HCN1: variants seen among roughly 807,000 people sequenced by gnomAD.
HCN1 encodes potassium/sodium hyperpolarization-activated cyclic nucleotide-gated channel 1.
HCN1 carries 13 observed loss-of-function variants against 78.9 expected under a neutral mutation model. The observed-to-expected ratio is 0.16, with a 90% CI of 0.11 to 0.26. The LOEUF is 0.26. Among genes scored for constraint, HCN1 ranks in the 10% least tolerant of loss-of-function variants. The pLI is 1.00. For missense variants in HCN1, 810 were observed against 1,154.3 expected (o/e 0.70, Z 4.32); for synonymous variants, 552 against 455.5 (o/e 1.21, Z -2.70).
intron 5 of HCN1, among the ~76,000 whole-genome samples, chr5:45,339,539 TGAA>T (rs1746532112): frequency 6.6e-6 from 1 of 152,160 alleles, no homozygotes; most frequent in Non-Finnish European, 1.5e-5. Flanking sequence ...CTGTGTCATA[TGAA>T]GGAGTTTGGG....
chr5:45,548,949 G>A (rs1743294432), intron 2 of HCN1, among the ~76,000 whole-genome samples: 1 of 151,128 alleles, frequency 6.6e-6, no homozygotes, highest in Admixed American at 6.6e-5. Context: ...GGGACGTGAA[G>A]GACCTCTTCA....
intron 2 of HCN1, among the ~76,000 whole-genome samples, chr5:45,495,413 G>T (rs1318738297): frequency 6.9e-6 from 1 of 145,730 alleles, no homozygotes; most frequent in Non-Finnish European, 1.5e-5. Flanking sequence ...TCTGTTATTG[G>T]TGTATAAGAA....
chr5:45,682,818 T>C (rs539822625), intron 1 of HCN1, among the ~76,000 whole-genome samples: 118 of 152,230 alleles, frequency 7.8e-4, no homozygotes, highest in African/African-American at 2.6e-3. Flanking sequence ...GTTTAAAATA[T>C]GTTGAAATTT....
chr5:45,696,356 A>T lies in HCN1; in HGVS notation c.-263T>A, dbSNP rs1467925347. 6.5e-6 allele frequency: 1 copy of T among 154,658 alleles called. No individual in the cohort carries two copies. Among genetic ancestry groups the T allele is most frequent in the Admixed American group, 6.5e-5 (1 of 15,406 alleles). 9.6% of individuals were successfully genotyped at this position (154,658 alleles called of 1,614,324 possible). The stretch of plus-strand genomic sequence containing the variant: ...CTGGTGCTGAAGCTGAGGCTGCCGG[A>T]GCTAGGCGAGGCTCAGCTCGGCTCA... On this transcript the variant is annotated 5_prime_UTR_variant, in exon 1 of 8. Transcript: ENST00000303230.
intron 2 of HCN1, among the ~76,000 whole-genome samples, chr5:45,527,754 G>T (rs1742768877): frequency 1.3e-5 from 2 of 151,848 alleles, no homozygotes; most frequent in African/African-American, 4.8e-5. Context: ...CCTCTGAATA[G>T]AATGCGAGGG....
intron 2 of HCN1, among the ~76,000 whole-genome samples, chr5:45,509,844 G>A (rs769169001): frequency 2.6e-5 from 4 of 151,988 alleles, no homozygotes; most frequent in Non-Finnish European, 1.5e-5. Context: ...ACATGGCCTC[G>A]TTCAAATACC....
chr5:45,592,393 T>C (rs1027725426), intron 2 of HCN1, among the ~76,000 whole-genome samples: 4 of 152,158 alleles, frequency 2.6e-5, no homozygotes, highest in Non-Finnish European at 5.9e-5. Context: ...CATTATTTGA[T>C]TGGCTTTTGA....
chr5:45,315,879 C>G (rs2111925989), intron 5 of HCN1, among the ~76,000 whole-genome samples: 1 of 152,234 alleles, frequency 6.6e-6, no homozygotes, highest in East Asian at 1.9e-4. Context: ...AGCTGAATCC[C>G]TGAATAGACC....
intron 5 of HCN1, among the ~76,000 whole-genome samples, chr5:45,321,632 T>A (rs1746128705): frequency 6.7e-6 from 1 of 150,328 alleles, no homozygotes; most frequent in South Asian, 2.1e-4. Flanking sequence ...TACCTATTTT[T>A]TTTGCTTAAA....
chr5:45,298,078 T>G (rs1459856147), intron 6 of HCN1, among the ~76,000 whole-genome samples: 1 of 152,028 alleles, frequency 6.6e-6, no homozygotes, highest in Non-Finnish European at 1.5e-5. Context: ...TGCTATGGTT[T>G]GAATATGTGT....
Position 45,303,663 on chromosome 5 carries a change from A to T in HCN1, c.1554T>A (p.Gly518=), listed in dbSNP as rs757243536. The T allele has an allele frequency of 5.0e-6, 8 of 1,613,360 alleles. No individual in the cohort carries two copies. Among genetic ancestry groups the T allele is most frequent in the Non-Finnish European group, 6.8e-6 (8 of 1,179,558 alleles). The change falls in exon 6 of 8, where the codon GGT becomes GGA. Residue 518 remains glycine (G), a synonymous_variant. Transcript: ENST00000303230. ...VGKKMYFIQH[G]VAGVITKSSK... is the part of the protein sequence containing the mutation. ...TGGATTTTGTAATGACACCAGCAAC[A>T]CCGTGTTGAATGAAATACATTTTTT...
At chr5:45,424,129 A>C (rs1740289422) in intron 3 of HCN1, among the ~76,000 whole-genome samples, 1 of 148,808 alleles carries the variant, frequency 6.7e-6, no homozygotes. Flanking sequence ...CAAAAAAAAA[A>C]AAAAAAAAAA....
At chr5:45,535,342 A>T (rs1742942980) in intron 2 of HCN1, among the ~76,000 whole-genome samples, 1 of 152,216 alleles carries the variant, frequency 6.6e-6, no homozygotes. Context: ...TCACACCTGT[A>T]ATCCCAGCAC....
intron 2 of HCN1, among the ~76,000 whole-genome samples, chr5:45,494,643 C>A (rs1314238472): frequency 1.3e-5 from 2 of 152,100 alleles, no homozygotes; most frequent in African/African-American, 2.4e-5. Context: ...GTTGCCATTG[C>A]TTTTGGTGTT....
intron 1 of HCN1, among the ~76,000 whole-genome samples, chr5:45,677,175 C>G (rs541488421): frequency 1.3e-5 from 2 of 151,900 alleles, no homozygotes; most frequent in Non-Finnish European, 2.9e-5. Context: ...CCACATATTA[C>G]CCTGTAGTCT....
chr5:45,270,488 C>A (rs546052153), intron 6 of HCN1, among the ~76,000 whole-genome samples: 4 of 152,254 alleles, frequency 2.6e-5, no homozygotes, highest in Non-Finnish European at 5.9e-5. Context: ...GGCTATGGAA[C>A]CAATGTTATC....
intron 2 of HCN1, among the ~76,000 whole-genome samples, chr5:45,463,526 G>A (rs920002664): frequency 5.9e-5 from 9 of 151,892 alleles, no homozygotes; most frequent in Non-Finnish European, 1.3e-4. Flanking sequence ...TTATTATATA[G>A]CATTAAGAAT....
chr5:45,556,500 C>T (rs1316004718), intron 2 of HCN1, among the ~76,000 whole-genome samples: 1 of 151,932 alleles, frequency 6.6e-6, no homozygotes, highest in Non-Finnish European at 1.5e-5. Flanking sequence ...CCTTTATACC[C>T]TTGAGCTTCT....
rs968977478 is a variant in HCN1, at chr5:45,684,232, C to T, written c.425+11437G>A. On this transcript the variant is annotated intron_variant, in intron 1 of 7. Transcript: ENST00000303230. ...GTGAAGTATTTTATGAGTCTTCAAGCCTAGAATCACTAACACAAATGGCTA... is the reference window on the plus strand; with the variant it reads ...GTGAAGTATTTTATGAGTCTTCAAGTCTAGAATCACTAACACAAATGGCTA... 4.6e-5 allele frequency among the ~76,000 whole-genome samples: 7 copies of T among 152,092 alleles called. No individual in the cohort carries two copies. The South Asian group carries it at 1.5e-3, about 32-fold the overall frequency.
Sources: allele counts gnomAD v4.1 joint callset (sites outside exome capture counted in the v4.1 genomes callset), GRCh38; gene constraint gnomAD v4.1.1; transcripts MANE v1.5; gene names NCBI Gene and HGNC (gene_info 2026-07-23, HGNC 2026-07-21).